The following PIK3R3 variants were observed in gnomAD, a reference collection of about 807,000 sequenced individuals.
PIK3R3 encodes the protein phosphatidylinositol 3-kinase regulatory subunit gamma.
A neutral mutation model predicts 62.9 loss-of-function variants in PIK3R3; 64 were observed. The ratio of observed to expected loss-of-function variants is 1.02; its 90% confidence interval spans 0.83 to 1.25. PIK3R3 has a LOEUF of 1.25. Ranked by LOEUF, PIK3R3 falls within the 50% of genes most tolerant of loss-of-function variation. PIK3R3 has a pLI of 0.00. For missense variants in PIK3R3, 614 were observed against 561.6 expected (o/e 1.09, Z -0.94); for synonymous variants, 165 against 189.0 (o/e 0.87, Z 1.04).
the PIK3R3 span, among the ~76,000 whole-genome samples, chr1:46,151,171 G>A: frequency 6.6e-6 from 1 of 151,982 alleles, no homozygotes; most frequent in Non-Finnish European, 1.5e-5. Context: ...TACCTCTCCT[G>A]AACATTGCCA....
At position 46,042,914 on chromosome 1, in the gene PIK3R3, A is replaced by G; in HGVS notation, c.*759T>C. 3 of 205,616 alleles carry G rather than the reference A, an allele frequency of 1.5e-5. No individual in the cohort carries two copies. Among genetic ancestry groups the G allele is most frequent in the Non-Finnish European group, 3.0e-5 (3 of 100,120 alleles). 12.7% of individuals were successfully genotyped at this position (205,616 alleles called of 1,614,324 possible). ...AATTTTAGCGTTTGCTAAAACTCACAAATTCTAGTCTTTTTATGTTCAAGT... is the reference window on the plus strand; with the variant it reads ...AATTTTAGCGTTTGCTAAAACTCACGAATTCTAGTCTTTTTATGTTCAAGT... On this transcript the variant is annotated 3_prime_UTR_variant, in exon 10 of 10. Transcript: ENST00000262741. The surrounding 1 kb of genome is among the most constrained non-coding windows in gnomAD (Gnocchi z 4.3).
chr1:46,045,998 C>G lies in PIK3R3; in HGVS notation c.1107G>C (p.Glu369Asp), dbSNP rs1196637058. ...CATCAGGTTTCCCATAAAGCAAGTC[C>G]TCTGCTTGTACTCGATTGATATCCT... ...FVEDINRVQA[E>D]DLLYGKPDGA... Residue 369 changes from glutamate to aspartate, a missense_variant, in exon 9 of 10, where the codon GAG (glutamate) becomes GAC (aspartate). Physicochemically the swap from Glu to Asp is conservative, Grantham distance 45 (BLOSUM62 2). Coordinates refer to ENST00000262741, the MANE Select transcript of PIK3R3 (RefSeq NM_003629.4). 1 of 1,611,750 alleles carries G rather than the reference C, an allele frequency of 6.2e-7. No individual in the cohort carries two copies. Among genetic ancestry groups the G allele is most frequent in the African/African-American group, 1.3e-5 (1 of 74,804 alleles).
the PIK3R3 span, among the ~76,000 whole-genome samples, chr1:46,162,106 AAAG>A: frequency 6.6e-6 from 1 of 151,824 alleles, no homozygotes; most frequent in African/African-American, 2.4e-5. Context: ...AAAAAAAAAA[AAAG>A]ATTTTCTTCA....
chr1:46,052,447 A>T (rs1314246066), intron 7 of PIK3R3, among the ~76,000 whole-genome samples: 4 of 152,146 alleles, frequency 2.6e-5, no homozygotes, highest in African/African-American at 4.8e-5. Flanking sequence ...GGAATTTTTT[A>T]AAAAATTGAT....
chr1:46,132,687 C>G (rs1181167223), upstream of PIK3R3: 3 of 1,289,642 alleles, frequency 2.3e-6, no homozygotes, highest in South Asian at 1.2e-5. Flanking sequence ...CTCCCCGCCC[C>G]ATGCTGCCCA....
chr1:46,152,533 T>G, the PIK3R3 span, among the ~76,000 whole-genome samples: 1 of 150,768 alleles, frequency 6.6e-6, no homozygotes, highest in Non-Finnish European at 1.5e-5. Context: ...CCCTGGTATC[T>G]CCCTTGGATT....
intron 1 of PIK3R3, among the ~76,000 whole-genome samples, chr1:46,113,618 C>T (rs1162686062): frequency 1.3e-5 from 2 of 152,154 alleles, no homozygotes; most frequent in African/African-American, 2.4e-5. Context: ...TTGTCTTCAA[C>T]AAAACTTAAG....
At chr1:46,076,063 T>C (rs1230510137) in intron 3 of PIK3R3, among the ~76,000 whole-genome samples, 9 of 152,214 alleles carry the variant, frequency 5.9e-5, no homozygotes, top group Admixed American at 5.9e-4. Flanking sequence ...GTGCTCACAC[T>C]GAGGGGCGAT....
intron 1 of PIK3R3, among the ~76,000 whole-genome samples, chr1:46,089,836 A>T (rs1651446804): frequency 6.6e-6 from 1 of 152,192 alleles, no homozygotes. Context: ...TTGTGATATA[A>T]ATACACTGGA....
At chr1:46,149,209 G>A in the PIK3R3 span, among the ~76,000 whole-genome samples, 1 of 151,992 alleles carries the variant, frequency 6.6e-6, no homozygotes, top group Admixed American at 6.6e-5. Flanking sequence ...GATCACCTGA[G>A]GTCAGGAGTT....
intron 9 of PIK3R3, 58 bp from the exon 10 acceptor site, chr1:46,043,929 C>T: frequency 1.4e-6 from 2 of 1,407,700 alleles, no homozygotes; most frequent in Non-Finnish European, 2.0e-6. Flanking sequence ...TAAAAGGACA[C>T]TAAATGGCCA....
rs1006979417 is a variant in PIK3R3 at position 46,113,285 on chromosome 1, T to C, written c.106+18562A>G. On this transcript the variant is annotated intron_variant, in intron 1 of 9. Transcript: ENST00000262741. ...TGGTCCAGATTCATCTAATACCACTTCCTATCTCTCAATTTTTTTTTTTTT... is the reference window on the plus strand; with the variant it reads ...TGGTCCAGATTCATCTAATACCACTCCCTATCTCTCAATTTTTTTTTTTTT... Among the ~76,000 whole-genome samples, 4 of 147,310 alleles carry C rather than the reference T, an allele frequency of 2.7e-5. No individual in the cohort carries two copies. In the East Asian group the frequency reaches 8.0e-4, roughly 29 times the overall value.
chr1:46,159,289 C>T, the PIK3R3 span, among the ~76,000 whole-genome samples: 2 of 152,068 alleles, frequency 1.3e-5, no homozygotes, highest in Non-Finnish European at 2.9e-5. Context: ...GTCACACAGT[C>T]AGGGGCAAAG....
At position 46,086,692 on chromosome 1, in the gene PIK3R3, T is replaced by C. The variant is rs374396643; in HGVS notation, c.107-5942A>G. Among the ~76,000 whole-genome samples the C allele has an allele frequency of 4.0e-5, 6 of 151,816 alleles. No homozygotes were observed. The East Asian group carries it at 7.7e-4, about 20-fold the overall frequency. On this transcript the variant is annotated intron_variant, in intron 1 of 9. Transcript: ENST00000262741. ...TCCAGCCTAGGCAACAAAGTGAGAC[T>C]GTCTAAGAAAAAAAAAGCAATCTGA...
rs925486190 is a variant in PIK3R3 at position 46,071,461 on chromosome 1, C to T, written c.315-4370G>A. Among the ~76,000 whole-genome samples, 4 of 151,320 alleles carry T rather than the reference C, an allele frequency of 2.6e-5. No individual in the cohort carries two copies. The South Asian group carries it at 8.4e-4, about 32-fold the overall frequency. On this transcript the variant is annotated intron_variant, in intron 3 of 9. Transcript: ENST00000262741. ...CTATAATCCCAGCATTTTGGGAGGC[C>T]GAGGCGGGCAGATCACCTGAGGTCA... is the stretch of plus-strand genomic sequence containing the variant.
intron 1 of PIK3R3, among the ~76,000 whole-genome samples, chr1:46,091,483 T>C (rs11211255): frequency 6.3e-4 from 95 of 149,684 alleles, no homozygotes; most frequent in Middle Eastern, 3.4e-3. Flanking sequence ...CACACACACA[T>C]ACACACACAC....
chr1:46,150,777 A>G, the PIK3R3 span, among the ~76,000 whole-genome samples: 6 of 145,740 alleles, frequency 4.1e-5, no homozygotes, highest in Admixed American at 6.8e-5. Context: ...TAGATACTCT[A>G]TTCCTACATG....
the PIK3R3 span, among the ~76,000 whole-genome samples, chr1:46,174,900 T>C: frequency 6.6e-6 from 1 of 151,374 alleles, no homozygotes; most frequent in Non-Finnish European, 1.5e-5. Context: ...CTTCTCCATG[T>C]TCTCCTCCTT....
the PIK3R3 span, among the ~76,000 whole-genome samples, chr1:46,141,733 A>G: frequency 2.0e-5 from 3 of 152,166 alleles, no homozygotes; most frequent in Non-Finnish European, 2.9e-5. Flanking sequence ...CCTAATCCCA[A>G]CGTGAATCTT....
Sources: allele counts gnomAD v4.1 joint callset (sites outside exome capture counted in the v4.1 genomes callset), GRCh38; gene constraint gnomAD v4.1.1; non-coding constraint Gnocchi (gnomAD v3.1); transcripts MANE v1.5; gene names NCBI Gene and HGNC (gene_info 2026-07-23, HGNC 2026-07-21).